The following FBXL13 variants were observed in gnomAD, a reference collection of about 807,000 sequenced individuals.
The protein encoded by FBXL13 is F-box and leucine rich repeat protein 13.
FBXL13 carries 67 observed loss-of-function variants against 83.6 expected under a neutral mutation model. That is an observed-to-expected ratio of 0.80 (90% CI 0.66 to 0.98). The LOEUF (loss-of-function observed/expected upper bound fraction) is 0.98. Ranked by LOEUF, FBXL13 falls within the 50% of genes least tolerant of loss-of-function variation. FBXL13 has a pLI of 0.00. For synonymous variants in FBXL13, 272 were observed against 299.5 expected (o/e 0.91, Z 0.95); for missense variants, 822 against 866.5 (o/e 0.95, Z 0.64).
At chr7:102,820,089 C>CA (rs1798591314) in intron 19 of FBXL13, among the ~76,000 whole-genome samples, 2 of 152,176 alleles carry the variant, frequency 1.3e-5, no homozygotes, top group South Asian at 4.1e-4. Flanking sequence ...TGGGACTCTC[C>CA]AAGCCACTCT....
intron 6 of FBXL13, among the ~76,000 whole-genome samples, chr7:102,987,120 C>CA (rs1291803387): frequency 2.0e-5 from 3 of 151,966 alleles, no homozygotes; most frequent in African/African-American, 7.3e-5. Flanking sequence ...CAAAGGTATA[C>CA]AGAGTGGTAT....
At chr7:102,916,868 C>G (rs921810360) in intron 10 of FBXL13, among the ~76,000 whole-genome samples, 2 of 151,702 alleles carry the variant, frequency 1.3e-5, no homozygotes, top group Non-Finnish European at 2.9e-5. Context: ...AGAGAAATTA[C>G]AATTCTTATA....
intron 10 of FBXL13, among the ~76,000 whole-genome samples, chr7:102,917,831 C>T (rs1816204879): frequency 6.6e-6 from 1 of 152,124 alleles, no homozygotes; most frequent in Non-Finnish European, 1.5e-5. Flanking sequence ...GCTGAGAGTG[C>T]CACCTAGGTT....
intron 19 of FBXL13, among the ~76,000 whole-genome samples, chr7:102,817,931 T>C (rs1798229071): frequency 6.6e-6 from 1 of 152,246 alleles, no homozygotes; most frequent in African/African-American, 2.4e-5. Flanking sequence ...TGGATCAGTA[T>C]AGAACAGTGA....
At chr7:102,838,677 C>T (rs1802410418) in intron 17 of FBXL13, among the ~76,000 whole-genome samples, 1 of 152,148 alleles carries the variant, frequency 6.6e-6, no homozygotes, top group South Asian at 2.1e-4. Context: ...TGTATGGGAT[C>T]AAGGTTTAAC....
At chr7:102,948,713 C>G (rs772380014) in intron 8 of FBXL13, among the ~76,000 whole-genome samples, 7 of 148,502 alleles carry the variant, frequency 4.7e-5, no homozygotes. Context: ...TGAGCCACCA[C>G]GCCCAGCCTT....
At chr7:103,001,118 A>T (rs569046016) in intron 6 of FBXL13, among the ~76,000 whole-genome samples, 5 of 146,904 alleles carry the variant, frequency 3.4e-5, no homozygotes, top group East Asian at 2.0e-4. Flanking sequence ...TTCTATATAT[A>T]TATTTTTTTT....
intron 8 of FBXL13, among the ~76,000 whole-genome samples, chr7:102,957,587 G>A (rs1563148896): frequency 6.6e-6 from 1 of 152,100 alleles, no homozygotes; most frequent in Admixed American, 6.6e-5. Flanking sequence ...TGCCATCAGA[G>A]TGAATAGGCA....
intron 2 of FBXL13, among the ~76,000 whole-genome samples, chr7:103,030,585 T>A (rs138990564): frequency 6.6e-6 from 1 of 152,332 alleles, no homozygotes; most frequent in East Asian, 1.9e-4. Context: ...TAATTCTTTT[T>A]AGATGATATT....
intron 8 of FBXL13, among the ~76,000 whole-genome samples, chr7:102,958,845 A>G (rs930978688): frequency 6.6e-5 from 10 of 152,068 alleles, no homozygotes; most frequent in African/African-American, 2.4e-4. Flanking sequence ...AGGAACATGC[A>G]GGACACAGCT....
chr7:102,827,225 C>A, intron 18 of FBXL13: 2 of 439,988 alleles, frequency 4.5e-6, no homozygotes, highest in South Asian at 3.1e-5. Flanking sequence ...GATGAGACCG[C>A]ATGAAGCAGG....
rs1163276475 is a variant in FBXL13, at chr7:103,042,967, CAT to C, written c.-1+12675_-1+12676del. On this transcript the variant is annotated intron_variant, in intron 2 of 19. Coordinates refer to ENST00000313221, the Ensembl canonical transcript of FBXL13. ...ATGGCAACAAAAGCCAAAATAGACA[CAT>C]GAGATCTAATTAAACTAAAGAGCTT... Among the ~76,000 whole-genome samples the C allele has an allele frequency of 4.6e-5, 7 of 152,168 alleles. No individual in the cohort carries two copies. The South Asian group carries it at 1.0e-3, about 23-fold the overall frequency.
At chr7:102,821,563 G>T (rs1013024959) in intron 19 of FBXL13, among the ~76,000 whole-genome samples, 1 of 152,100 alleles carries the variant, frequency 6.6e-6, no homozygotes, top group African/African-American at 2.4e-5. Flanking sequence ...TTTCACATCT[G>T]CCTAATAGAA....
intron 6 of FBXL13, among the ~76,000 whole-genome samples, chr7:103,007,137 C>G (rs1376074245): frequency 6.6e-6 from 1 of 152,030 alleles, no homozygotes; most frequent in Non-Finnish European, 1.5e-5. Flanking sequence ...ATTTGTATAA[C>G]TGGAGTCCCA....
intron 11 of FBXL13, among the ~76,000 whole-genome samples, chr7:102,899,826 C>A (rs1490154692): frequency 1.3e-5 from 2 of 152,188 alleles, no homozygotes; most frequent in African/African-American, 4.8e-5. Flanking sequence ...GTAATCCCAG[C>A]ACTTTGGGAG....
At chr7:102,976,040 C>T (rs757135448) in intron 6 of FBXL13, 20 of 766,296 alleles carry the variant, frequency 2.6e-5, no homozygotes, top group East Asian at 9.7e-5. Context: ...GCCCCCTCTG[C>T]GGAGGACCCC....
At chr7:102,819,562 C>T (rs1234960678) in intron 19 of FBXL13, among the ~76,000 whole-genome samples, 1 of 152,172 alleles carries the variant, frequency 6.6e-6, no homozygotes, top group Admixed American at 6.5e-5. Context: ...ATGTATAAAA[C>T]AGCCTCTTCT....
chr7:102,834,598 T>G (rs1801540721), intron 17 of FBXL13: 2 of 151,696 alleles, frequency 1.3e-5, no homozygotes, highest in Non-Finnish European at 2.9e-5. Flanking sequence ...CCCATAAAAG[T>G]TAACTAGTGC....
At chr7:102,998,818 CAAT>C (rs928330597) in intron 6 of FBXL13, among the ~76,000 whole-genome samples, 11 of 151,512 alleles carry the variant, frequency 7.3e-5, no homozygotes, top group African/African-American at 1.9e-4. Flanking sequence ...AAAATAATAA[CAAT>C]AATAATAATA....
Sources: allele counts gnomAD v4.1 joint callset (sites outside exome capture counted in the v4.1 genomes callset), GRCh38; gene constraint gnomAD v4.1.1; transcripts MANE v1.5; gene names NCBI Gene and HGNC (gene_info 2026-07-23, HGNC 2026-07-21).